The following BEND4 variants were observed in gnomAD, a reference collection of about 807,000 sequenced individuals.
The protein encoded by BEND4 is BEN domain containing 4.
BEND4 carries 27 observed loss-of-function variants against 54.7 expected under a neutral mutation model. That is an observed-to-expected ratio of 0.49 (90% CI 0.36 to 0.68). The LOEUF is 0.68. BEND4 is among the 30% of genes least tolerant of loss of function. BEND4 has a pLI of 0.00. For missense variants in BEND4, 702 were observed against 697.2 expected, an observed-to-expected ratio of 1.01 and a Z score of -0.08; for synonymous variants, 327 against 299.5, an observed-to-expected ratio of 1.09 and a Z score of -0.95.
intron 2 of BEND4, among the ~76,000 whole-genome samples, chr4:42,145,727 T>C (rs1721055661): frequency 6.7e-6 from 1 of 149,926 alleles, no homozygotes; most frequent in Non-Finnish European, 1.5e-5. Flanking sequence ...GTAAAGCCCA[T>C]ATAGCACAGT....
rs543621356 is a variant in BEND4, at chr4:42,148,949, T to C, written c.487+2708A>G. Among the ~76,000 whole-genome samples, 5 of 152,368 alleles carry C rather than the reference T, an allele frequency of 3.3e-5. No homozygotes were observed. The East Asian group carries it at 9.6e-4, about 29-fold the overall frequency. On this transcript the variant is annotated intron_variant, in intron 2 of 5. Transcript: ENST00000502486. ...CTCTTCATGAGATTTTATAAAAATG[T>C]TGAAAAAATCTATTTTTAATCACAT...
chr4:42,136,043 C>G (rs2153146390), intron 3 of BEND4, among the ~76,000 whole-genome samples: 1 of 152,204 alleles, frequency 6.6e-6, no homozygotes, highest in East Asian at 1.9e-4. Flanking sequence ...GAACTCAGTT[C>G]TTTATTCCTC....
chr4:42,144,015 C>T (rs1254526646), intron 2 of BEND4, 21 bp from the exon 3 acceptor site: 14 of 1,560,966 alleles, frequency 9.0e-6, no homozygotes, highest in South Asian at 4.7e-5. Flanking sequence ...TGAAAGGACA[C>T]ATCAGTGACC....
In BEND4 at chr4:42,143,528, GTCCTCC is replaced by G; in HGVS notation, c.948_953del (p.Glu316_Glu317del). 1.3e-6 allele frequency: 2 copies of G among 1,553,674 alleles called. No individual in the cohort carries two copies. The highest frequency in any genetic ancestry group is 1.7e-6 in the Non-Finnish European group (2 of 1,147,886). Reference sequence around the variant, plus strand: ...GGCATCGAGGACAATAGCCTTCCTCGTCCTCCTCCTCCTCCTCTTCTGGCAGTGTAG... The same window carrying G: ...GGCATCGAGGACAATAGCCTTCCTCGTCCTCCTCCTCTTCTGGCAGTGTAG... On this transcript the variant is annotated inframe_deletion, in exon 3 of 6. Coordinates refer to ENST00000502486, the MANE Select transcript of BEND4 (RefSeq NM_207406.4).
chr4:42,130,908 C>T (rs1004724874), intron 3 of BEND4, among the ~76,000 whole-genome samples: 1 of 152,062 alleles, frequency 6.6e-6, no homozygotes, highest in African/African-American at 2.4e-5. Flanking sequence ...GAGATCATGG[C>T]CTTTGCAGGG....
At chr4:42,134,547 G>C (rs1216745238) in intron 3 of BEND4, among the ~76,000 whole-genome samples, 13 of 152,218 alleles carry the variant, frequency 8.5e-5, no homozygotes, top group Admixed American at 8.5e-4. Context: ...CAGTGGGCTA[G>C]GAAAGAGGGG....
In BEND4 at chr4:42,113,924, G is replaced by A. The variant is rs1469739492; in HGVS notation, c.*3594C>T. Reference sequence around the variant, plus strand: ...AGCTTAATGAAACATAAATGGTAACGGTCACCTAAATGCTGTGGTGGAATG... The same window carrying A: ...AGCTTAATGAAACATAAATGGTAACAGTCACCTAAATGCTGTGGTGGAATG... On this transcript the variant is annotated 3_prime_UTR_variant, in exon 6 of 6. Coordinates refer to ENST00000502486, the MANE Select transcript of BEND4 (RefSeq NM_207406.4). The A allele has an allele frequency of 2.0e-5, 3 of 152,096 alleles. No homozygotes were observed. The highest frequency in any genetic ancestry group is 4.4e-5 in the Non-Finnish European group (3 of 68,022). 9.4% of individuals were successfully genotyped at this position (152,096 alleles called of 1,614,324 possible).
intron 4 of BEND4, among the ~76,000 whole-genome samples, chr4:42,122,997 T>G (rs1405066883): frequency 6.6e-6 from 1 of 152,192 alleles, no homozygotes; most frequent in Admixed American, 6.5e-5. Context: ...AAGAGCTTTC[T>G]CAAAACCTTT....
chr4:42,144,740 C>A (rs936349529), intron 2 of BEND4, among the ~76,000 whole-genome samples: 1 of 152,140 alleles, frequency 6.6e-6, no homozygotes, highest in South Asian at 2.1e-4. Flanking sequence ...TAAAATGGCA[C>A]GAGGCATGGG....
intron 3 of BEND4, among the ~76,000 whole-genome samples, chr4:42,135,785 CCAAA>C (rs139569635): frequency 0.033 from 4,967 of 152,094 alleles, 223 homozygotes; most frequent in African/African-American, 0.099. Flanking sequence ...AAAAAACCAA[CCAAA>C]CAAACATACA....
intron 3 of BEND4, among the ~76,000 whole-genome samples, chr4:42,141,964 G>A (rs1720900878): frequency 2.0e-5 from 3 of 151,868 alleles, no homozygotes; most frequent in Admixed American, 2.0e-4. Flanking sequence ...GAGTGCAGAG[G>A]CATAATCTCA....
At position 42,112,833 on chromosome 4, in the gene BEND4, C is replaced by A. The variant is rs1719626615; in HGVS notation, c.*4685G>T. On this transcript the variant is annotated 3_prime_UTR_variant, in exon 6 of 6. Coordinates refer to ENST00000502486, the MANE Select transcript of BEND4 (RefSeq NM_207406.4). ...TGTTGTCTGATGTCAATTCTTCACT[C>A]TCCTCTAAAAAAAAAACAAAAACCC... 6.6e-6 allele frequency: 1 copy of A among 151,870 alleles called. No homozygotes were observed. 9.4% of individuals were successfully genotyped at this position (151,870 alleles called of 1,614,324 possible).
At position 42,149,582 on chromosome 4, in the gene BEND4, C is replaced by A. The variant is rs576917684; in HGVS notation, c.487+2075G>T. Among the ~76,000 whole-genome samples the A allele has an allele frequency of 9.2e-5, 14 of 152,168 alleles. No individual in the cohort carries two copies. The South Asian group carries it at 2.1e-3, about 23-fold the overall frequency. ...GAATAAAAGGAAATATGGAGAAATT[C>A]GAAGGGCATCAAAAAAGCCCCTCTT... On this transcript the variant is annotated intron_variant, in intron 2 of 5. Transcript: ENST00000502486.
In BEND4 at chr4:42,143,471, T is replaced by C. The variant is rs1006906035; in HGVS notation, c.1011A>G (p.Gln337=). The C allele has an allele frequency of 9.2e-5, 143 of 1,552,144 alleles. No individual in the cohort carries two copies. Among genetic ancestry groups the C allele is most frequent in the Non-Finnish European group, 1.2e-4 (136 of 1,147,132 alleles). Residue 337 remains glutamine (Q), a synonymous_variant, in exon 3 of 6, where the codon CAA becomes CAG. Coordinates refer to ENST00000502486, the MANE Select transcript of BEND4 (RefSeq NM_207406.4). ...QELEQEVISL[Q]QENEELRRKL... is the part of the protein sequence containing the mutation. Reference sequence around the variant, plus strand: ...TCCTTCTGAGCTCTTCATTTTCTTGTTGCAGTGAAATAACCTCCTGCTCCA... The same window carrying C: ...TCCTTCTGAGCTCTTCATTTTCTTGCTGCAGTGAAATAACCTCCTGCTCCA...
chr4:42,119,935 G>C, intron 5 of BEND4, 119 bp downstream of exon 5: 7 of 1,284,810 alleles, frequency 5.4e-6, no homozygotes, highest in Non-Finnish European at 6.7e-6. Context: ...ATGAAGCCTA[G>C]ACGTTCTCAG....
At chr4:42,149,479 C>G (rs1404071035) in intron 2 of BEND4, among the ~76,000 whole-genome samples, 5 of 152,208 alleles carry the variant, frequency 3.3e-5, no homozygotes, top group Non-Finnish European at 5.9e-5. Flanking sequence ...TTCCAACAAG[C>G]ACGAGGGATC....
chr4:42,145,505 A>G (rs1453614836), intron 2 of BEND4, among the ~76,000 whole-genome samples: 2 of 152,072 alleles, frequency 1.3e-5, no homozygotes, highest in Non-Finnish European at 2.9e-5. Flanking sequence ...CATCCTGGCC[A>G]ACACGGTGAA....
intron 3 of BEND4, among the ~76,000 whole-genome samples, chr4:42,139,271 T>C (rs370686637): frequency 6.6e-6 from 1 of 152,174 alleles, no homozygotes; most frequent in East Asian, 1.9e-4. Context: ...GCTATTTCAT[T>C]GGGATAAAAT....
chr4:42,143,371 G>A (rs939048541), intron 3 of BEND4, 57 bp downstream of exon 3: 1 of 1,362,578 alleles, frequency 7.3e-7, no homozygotes, highest in Non-Finnish European at 1.0e-6. Flanking sequence ...ACAGACAGAT[G>A]AGACAAGTGA....
Sources: allele counts gnomAD v4.1 joint callset (sites outside exome capture counted in the v4.1 genomes callset), GRCh38; gene constraint gnomAD v4.1.1; transcripts MANE v1.5; gene names NCBI Gene and HGNC (gene_info 2026-07-23, HGNC 2026-07-21).